Variants in ZFHX3 observed in about 807,000 individuals in gnomAD.
ZFHX3 encodes zinc finger homeobox 3.
ZFHX3 carries 42 observed loss-of-function variants against 279.1 expected under a neutral mutation model. The observed-to-expected ratio is 0.15, with a 90% CI of 0.12 to 0.19. The LOEUF is 0.19. ZFHX3 is among the 10% of genes least tolerant of loss of function. ZFHX3 has a pLI of 1.00. For synonymous variants in ZFHX3, 2,293 were observed against 1,957.8 expected (o/e 1.17, Z -4.52); for missense variants, 4,981 against 4,754.0 (o/e 1.05, Z -1.40).
At chr16:72,851,753 G>T (rs530681211) in intron 4 of ZFHX3, among the ~76,000 whole-genome samples, 49 of 152,036 alleles carry the variant, frequency 3.2e-4, no homozygotes, top group Non-Finnish European at 6.8e-4. Flanking sequence ...GTTTCACCAT[G>T]TTGGCCAGGC....
chr16:73,767,741 C>A (rs1309408603), intron 1 of ZFHX3, among the ~76,000 whole-genome samples: 2 of 152,104 alleles, frequency 1.3e-5, no homozygotes, highest in Non-Finnish European at 2.9e-5. Flanking sequence ...CTCAGTTCTG[C>A]CATTTATGAG....
chr16:72,825,371 A>G (rs1479978245), intron 5 of ZFHX3, among the ~76,000 whole-genome samples: 1 of 152,242 alleles, frequency 6.6e-6, no homozygotes, highest in Non-Finnish European at 1.5e-5. Context: ...TGAAAACTAG[A>G]TCTAATGATC....
At chr16:73,348,536 C>G (rs906181640) in intron 3 of ZFHX3, among the ~76,000 whole-genome samples, 2 of 152,204 alleles carry the variant, frequency 1.3e-5, no homozygotes, top group Non-Finnish European at 2.9e-5. Flanking sequence ...GATGTTTCCA[C>G]GGGCGTTTCT....
upstream of ZFHX3, among the ~76,000 whole-genome samples, chr16:73,051,731 C>G (rs144212873): frequency 6.6e-3 from 1,006 of 152,254 alleles, 5 homozygotes; most frequent in Non-Finnish European, 9.6e-3. Context: ...AGTTACAAAG[C>G]CCCAAGTTTT....
chr16:73,044,833 C>A (rs973270228), intron 1 of ZFHX3, among the ~76,000 whole-genome samples: 4 of 152,108 alleles, frequency 2.6e-5, no homozygotes, highest in African/African-American at 9.7e-5. Context: ...GTTGATCAGG[C>A]TGGTCTCGAA....
intron 1 of ZFHX3, among the ~76,000 whole-genome samples, chr16:73,872,124 C>T (rs944951809): frequency 4.6e-5 from 7 of 152,178 alleles, no homozygotes; most frequent in Admixed American, 2.0e-4. Flanking sequence ...TCTCGAAAGC[C>T]AATAGGCATT....
At chr16:73,792,120 A>G (rs1477928416) in intron 1 of ZFHX3, among the ~76,000 whole-genome samples, 3 of 152,214 alleles carry the variant, frequency 2.0e-5, no homozygotes. Flanking sequence ...ATAACAACAT[A>G]TGCTGCCCAC....
chr16:72,864,542 C>A (rs1023251166), intron 4 of ZFHX3, among the ~76,000 whole-genome samples: 1 of 152,200 alleles, frequency 6.6e-6, no homozygotes. Context: ...ATCTTGGCAA[C>A]AGACTGTCAT....
At chr16:73,588,682 T>A (rs1302859696) in intron 2 of ZFHX3, among the ~76,000 whole-genome samples, 2 of 138,378 alleles carry the variant, frequency 1.4e-5, no homozygotes, top group Non-Finnish European at 1.5e-5. Flanking sequence ...AGAGTGAGAC[T>A]CGGTCTCAAA....
intron 3 of ZFHX3, among the ~76,000 whole-genome samples, chr16:73,327,814 G>A (rs147232639): frequency 1.8e-3 from 279 of 152,272 alleles, no homozygotes; most frequent in Middle Eastern, 3.4e-3. Context: ...TTTGTGCACC[G>A]TAGACAGTTT....
intron 3 of ZFHX3, among the ~76,000 whole-genome samples, chr16:73,318,807 A>G (rs2015510651): frequency 6.6e-6 from 1 of 152,208 alleles, no homozygotes; most frequent in African/African-American, 2.4e-5. Context: ...TCAGCAATGG[A>G]TTGCATAGAG....
rs374085108 is a variant in ZFHX3 at position 72,962,309 on chromosome 16, T to TTCC, written c.-49-2118_-49-2116dup. ...CTTCTCTTGCTCCGTTCTCCTCTTA[T>TTCC]TCCTCCTCCTCTTCCACAAACTATC... is the stretch of plus-strand genomic sequence containing the variant. On this transcript the variant is annotated intron_variant, in intron 1 of 9. Coordinates refer to ENST00000268489, the MANE Select transcript of ZFHX3 (RefSeq NM_006885.4). 3.5e-4 allele frequency among the ~76,000 whole-genome samples: 54 copies of TTCC among 152,318 alleles called. No individual in the cohort carries two copies. In the East Asian group the frequency reaches 9.7e-3, roughly 27 times the overall value.
chr16:73,793,907 G>C (rs1959908444), intron 1 of ZFHX3, among the ~76,000 whole-genome samples: 1 of 152,070 alleles, frequency 6.6e-6, no homozygotes, highest in Non-Finnish European at 1.5e-5. Context: ...GTTCAAAAAT[G>C]GATAGCCTTT....
rs1470809409 is a variant in ZFHX3, at chr16:73,611,638, G to A, written c.-1547+68542C>T. ...CACCTCCTAAAATTATCCAGTGAAG[G>A]TCTAATTAGGAGTTTCTGGCAATTG... is the stretch of plus-strand genomic sequence containing the variant. On this transcript the variant is annotated intron_variant, in intron 2 of 17. Transcript: ENST00000641206. Among the ~76,000 whole-genome samples, 3 of 152,244 alleles carry A rather than the reference G, an allele frequency of 2.0e-5. No individual in the cohort carries two copies. The South Asian group carries it at 6.2e-4, about 32-fold the overall frequency.
chr16:73,097,797 T>A (rs974506282), intron 7 of ZFHX3, among the ~76,000 whole-genome samples: 1 of 152,246 alleles, frequency 6.6e-6, no homozygotes, highest in African/African-American at 2.4e-5. Context: ...GAATTTGCTA[T>A]TCTGAACATT....
chr16:73,439,161 G>A (rs1441070534), intron 3 of ZFHX3, among the ~76,000 whole-genome samples: 1 of 152,198 alleles, frequency 6.6e-6, no homozygotes, highest in Non-Finnish European at 1.5e-5. Flanking sequence ...AGCAATAGAG[G>A]CGGGGTGAGA....
chr16:73,287,700 C>G (rs71386209), intron 4 of ZFHX3, among the ~76,000 whole-genome samples: 150 of 68,586 alleles, frequency 2.2e-3, no homozygotes, highest in Admixed American at 2.6e-3. Flanking sequence ...GGCTGTGTGG[C>G]TGTGTGGGTC....
At chr16:73,665,526 A>G (rs1038946500) in intron 2 of ZFHX3, among the ~76,000 whole-genome samples, 2 of 151,766 alleles carry the variant, frequency 1.3e-5, no homozygotes, top group African/African-American at 4.9e-5. Flanking sequence ...ACCATTGTAC[A>G]TTTAAGAAGA....
intron 7 of ZFHX3, among the ~76,000 whole-genome samples, chr16:73,128,255 A>T (rs998801465): frequency 5.9e-5 from 9 of 152,190 alleles, no homozygotes; most frequent in African/African-American, 1.9e-4. Context: ...TAATCCACCC[A>T]AATCTTGTTT....
Sources: allele counts gnomAD v4.1 joint callset (sites outside exome capture counted in the v4.1 genomes callset), GRCh38; gene constraint gnomAD v4.1.1; transcripts MANE v1.5; gene names NCBI Gene and HGNC (gene_info 2026-07-23, HGNC 2026-07-21).